Variants in EXOC4 observed in about 807,000 individuals in gnomAD.
EXOC4 encodes exocyst complex component 4, also known as SEC8-like 1.
Under a neutral mutation model 107.2 loss-of-function variants are expected in EXOC4, and 71 were observed. The observed-to-expected ratio is 0.66, with a 90% CI of 0.55 to 0.81. The LOEUF (loss-of-function observed/expected upper bound fraction) is 0.81, where lower values mean the gene tolerates loss of function less well. Ranked by LOEUF, EXOC4 falls within the 30% of genes least tolerant of loss-of-function variation. EXOC4 has a pLI of 0.00. For synonymous variants in EXOC4, 456 were observed against 441.2 expected, an observed-to-expected ratio of 1.03 and a Z score of -0.42; for missense variants, 1,108 against 1,189.6, an observed-to-expected ratio of 0.93 and a Z score of 1.01.
chr7:133,406,683 C>T (rs1207541558), intron 7 of EXOC4, among the ~76,000 whole-genome samples: 1 of 152,178 alleles, frequency 6.6e-6, no homozygotes, highest in Non-Finnish European at 1.5e-5. Context: ...AAATACAGTT[C>T]TCATAATTCA....
intron 11 of EXOC4, among the ~76,000 whole-genome samples, chr7:133,854,408 G>GCACACACACACACA (rs56849407): frequency 2.0e-4 from 28 of 139,568 alleles, no homozygotes; most frequent in African/African-American, 4.0e-4. Flanking sequence ...TGTTGAAAGA[G>GCACACACACACACA]CACACACACA....
chr7:133,768,916 A>T (rs1796190483), intron 10 of EXOC4, among the ~76,000 whole-genome samples: 1 of 151,998 alleles, frequency 6.6e-6, no homozygotes, highest in Non-Finnish European at 1.5e-5. Context: ...AGGATGTCAC[A>T]TCAGAGGCCA....
At chr7:133,538,703 T>C (rs1251238344) in intron 9 of EXOC4, among the ~76,000 whole-genome samples, 1 of 152,022 alleles carries the variant, frequency 6.6e-6, no homozygotes, top group Non-Finnish European at 1.5e-5. Flanking sequence ...AGGTAGCATG[T>C]GTCTGTACCC....
chr7:133,863,824 G>A (rs1242173690), intron 11 of EXOC4, among the ~76,000 whole-genome samples: 1 of 152,200 alleles, frequency 6.6e-6, no homozygotes, highest in Non-Finnish European at 1.5e-5. Flanking sequence ...GTGACTGACA[G>A]TTGTGACATT....
At position 133,895,628 on chromosome 7, in the gene EXOC4, A is replaced by G. The variant is rs531169405; in HGVS notation, c.1764A>G (p.Gln588=). Residue 588 remains glutamine (Q), a synonymous_variant, in exon 12 of 18, where the codon CAA becomes CAG. Coordinates refer to ENST00000253861, the MANE Select transcript of EXOC4 (RefSeq NM_021807.4). Reference sequence around the variant, plus strand: ...CAATCATTGTGGAGAAGACAGTTCAAGACCTCCTGAACCTGATGCATGACT... The same window carrying G: ...CAATCATTGTGGAGAAGACAGTTCAGGACCTCCTGAACCTGATGCATGACT... ...QSTIIVEKTV[Q]DLLNLMHDLS... is the part of the protein sequence containing the mutation. The G allele has an allele frequency of 4.3e-6, 7 of 1,614,032 alleles. No homozygotes were observed. The African/African-American group carries it at 8.0e-5, about 18-fold the overall frequency.
chr7:133,334,191 C>T (rs975136232), intron 5 of EXOC4, among the ~76,000 whole-genome samples: 1 of 152,118 alleles, frequency 6.6e-6, no homozygotes, highest in East Asian at 1.9e-4. Flanking sequence ...TGAACTATAA[C>T]ACAAAGCACT....
chr7:133,940,631 C>T (rs1800404247), intron 14 of EXOC4, among the ~76,000 whole-genome samples: 1 of 152,212 alleles, frequency 6.6e-6, no homozygotes, highest in African/African-American at 2.4e-5. Context: ...GGCTCACCCC[C>T]ACTTATGTGC....
chr7:133,883,384 G>T (rs1434316778), intron 11 of EXOC4, among the ~76,000 whole-genome samples: 2 of 144,472 alleles, frequency 1.4e-5, no homozygotes, highest in African/African-American at 2.6e-5. Flanking sequence ...GCTCATGTCT[G>T]TAATACCAGC....
chr7:133,859,584 T>C (rs1279036156), intron 11 of EXOC4, among the ~76,000 whole-genome samples: 3 of 152,152 alleles, frequency 2.0e-5, no homozygotes, highest in Non-Finnish European at 4.4e-5. Context: ...TCATTAGCAC[T>C]GGGAGGAAAT....
At chr7:134,095,828 A>G in the EXOC4 span, among the ~76,000 whole-genome samples, 1 of 152,212 alleles carries the variant, frequency 6.6e-6, no homozygotes, top group Admixed American at 6.5e-5. Context: ...CTCAAGATGC[A>G]TTAAAGTAAA....
At chr7:133,685,957 A>C (rs1384331454) in intron 10 of EXOC4, among the ~76,000 whole-genome samples, 3 of 152,176 alleles carry the variant, frequency 2.0e-5, no homozygotes, top group Admixed American at 1.3e-4. Context: ...TCCACTTGTA[A>C]GTGAAAACAT....
At chr7:133,940,599 T>A (rs1232266074) in intron 14 of EXOC4, among the ~76,000 whole-genome samples, 1 of 152,166 alleles carries the variant, frequency 6.6e-6, no homozygotes, top group East Asian at 1.9e-4. Flanking sequence ...CAAGCCTGGT[T>A]TATCCTACTA....
intron 10 of EXOC4, among the ~76,000 whole-genome samples, chr7:133,771,009 A>G (rs1796233671): frequency 2.0e-5 from 3 of 151,964 alleles, no homozygotes; most frequent in Admixed American, 2.0e-4. Flanking sequence ...CAGCAAAAGG[A>G]ATGATTTACT....
At chr7:133,516,309 CG>C (rs1761092307) in intron 9 of EXOC4, among the ~76,000 whole-genome samples, 1 of 152,140 alleles carries the variant, frequency 6.6e-6, no homozygotes, top group Admixed American at 6.6e-5. Flanking sequence ...AGGACATTTT[CG>C]TCATCCTCAA....
intron 7 of EXOC4, among the ~76,000 whole-genome samples, chr7:133,471,256 A>G (rs1043667940): frequency 7.9e-5 from 12 of 152,192 alleles, no homozygotes; most frequent in Admixed American, 7.9e-4. Context: ...TACTACAAAT[A>G]CAAAAATTAG....
chr7:134,059,941 T>C (rs1796018642), intron 17 of EXOC4, among the ~76,000 whole-genome samples: 1 of 152,220 alleles, frequency 6.6e-6, no homozygotes, highest in South Asian at 2.1e-4. Flanking sequence ...CAAAATACCC[T>C]GTATTTCCTT....
chr7:133,676,087 G>A (rs1374670239), intron 10 of EXOC4, among the ~76,000 whole-genome samples: 3 of 151,902 alleles, frequency 2.0e-5, no homozygotes, highest in East Asian at 1.9e-4. Context: ...GCAGGTGGTC[G>A]CAAAATTCGT....
intron 2 of EXOC4, among the ~76,000 whole-genome samples, chr7:133,282,818 A>G (rs1794188058): frequency 6.6e-6 from 1 of 152,200 alleles, no homozygotes; most frequent in Non-Finnish European, 1.5e-5. Flanking sequence ...ATCAATTTTC[A>G]GGCATACAAT....
intron 3 of EXOC4, among the ~76,000 whole-genome samples, chr7:133,299,854 T>C (rs1794604296): frequency 6.6e-6 from 1 of 152,178 alleles, no homozygotes; most frequent in Non-Finnish European, 1.5e-5. Context: ...TACATTGACA[T>C]ATGCTTGACC....
Sources: gnomAD v4.1 joint callset for allele counts (sites outside exome capture counted in the v4.1 genomes callset) on GRCh38, gnomAD v4.1.1 for gene constraint, MANE v1.5 for transcripts, NCBI Gene and HGNC (gene_info 2026-07-23, HGNC 2026-07-21) for gene names.